The following MYO5C variants were observed in gnomAD, a reference collection of about 807,000 sequenced individuals.
MYO5C encodes unconventional myosin-Vc.
A neutral mutation model predicts 235.7 loss-of-function variants in MYO5C; 194 were observed. That is an observed-to-expected ratio of 0.82 (90% CI 0.73 to 0.93). The LOEUF (loss-of-function observed/expected upper bound fraction) is 0.93. MYO5C is among the 40% of genes least tolerant of loss of function. MYO5C has a pLI of 0.00. For synonymous variants in MYO5C, 707 were observed against 754.8 expected (o/e 0.94, Z 1.04); for missense variants, 2,038 against 2,127.2 (o/e 0.96, Z 0.82).
At chr15:52,241,003 G>C (rs1323099984) in intron 20 of MYO5C, among the ~76,000 whole-genome samples, 1 of 152,064 alleles carries the variant, frequency 6.6e-6, no homozygotes, top group Non-Finnish European at 1.5e-5. Flanking sequence ...TTGAAAGAAA[G>C]AAAATTATTT....
At chr15:52,276,359 G>C (rs2037050975) in intron 4 of MYO5C, among the ~76,000 whole-genome samples, 1 of 152,202 alleles carries the variant, frequency 6.6e-6, no homozygotes, top group South Asian at 2.1e-4. Flanking sequence ...TCCTCTCCCA[G>C]TCGGGTCACA....
intron 13 of MYO5C, among the ~76,000 whole-genome samples, chr15:52,250,225 CTTTTTT>C (rs202038053): frequency 5.0e-5 from 7 of 140,376 alleles, no homozygotes; most frequent in African/African-American, 1.8e-4. Flanking sequence ...AAAAACTTAT[CTTTTTT>C]TTTTCTTTTT....
chr15:52,237,727 C>T (rs1222956386), intron 21 of MYO5C, 81 bp from the exon 22 acceptor site: 7 of 1,396,036 alleles, frequency 5.0e-6, no homozygotes, highest in Non-Finnish European at 6.8e-6. Context: ...GCCTTTGACA[C>T]AGCATCCAAA....
intron 32 of MYO5C, among the ~76,000 whole-genome samples, chr15:52,215,644 C>T (rs1312463161): frequency 6.6e-6 from 1 of 152,162 alleles, no homozygotes; most frequent in African/African-American, 2.4e-5. Context: ...CAATTCAAGC[C>T]CATCTTATAA....
chr15:52,201,764 A>G (rs1173852395), intron 38 of MYO5C, among the ~76,000 whole-genome samples: 1 of 152,158 alleles, frequency 6.6e-6, no homozygotes. Context: ...ACTGCAACAT[A>G]AAGTAGGGAG....
intron 10 of MYO5C, chr15:52,256,927 G>T (rs1234136276): frequency 7.7e-6 from 4 of 516,150 alleles, no homozygotes; most frequent in Non-Finnish European, 1.0e-5. Context: ...AAGAAATCTG[G>T]TAGGTATAAA....
At chr15:52,214,488 C>G in intron 33 of MYO5C, 115 bp downstream of exon 33, 1 of 780,818 alleles carries the variant, frequency 1.3e-6, no homozygotes, top group Non-Finnish European at 2.0e-6. Flanking sequence ...ACAAACCTCA[C>G]CACTTGAGAA....
chr15:52,259,274 G>A (rs895886021), intron 10 of MYO5C, among the ~76,000 whole-genome samples: 3 of 151,974 alleles, frequency 2.0e-5, no homozygotes, highest in Admixed American at 6.6e-5. Context: ...AAAAAAATCA[G>A]CCGGGCGTAG....
intron 31 of MYO5C, 106 bp from the exon 32 acceptor site, chr15:52,218,793 G>T: frequency 2.6e-6 from 3 of 1,166,892 alleles, no homozygotes; most frequent in African/African-American, 1.5e-5. Flanking sequence ...GAACACCTTG[G>T]CCAATTTCTG....
Position 52,237,655 on chromosome 15 carries a change from A to T in MYO5C, c.2704-9T>A. ...CCATGGTTTTCTTTGTTCTAGAGAA[A>T]AGAAAATTCAGATGTTTAGAGGTTA... On this transcript the variant is annotated splice_polypyrimidine_tract_variant and intron_variant, in intron 21 of 40. Coordinates refer to ENST00000261839, the MANE Select transcript of MYO5C (RefSeq NM_018728.4). 6.2e-7 allele frequency: 1 copy of T among 1,602,900 alleles called. No homozygotes were observed. Among genetic ancestry groups the T allele is most frequent in the Non-Finnish European group, 8.5e-7 (1 of 1,177,576 alleles).
intron 4 of MYO5C, among the ~76,000 whole-genome samples, chr15:52,276,541 AG>A (rs1442890761): frequency 6.6e-6 from 1 of 152,194 alleles, no homozygotes; most frequent in East Asian, 1.9e-4. Context: ...TTACACAAAC[AG>A]CTTGAGTTTA....
chr15:52,282,669 C>T, intron 2 of MYO5C, 113 bp downstream of exon 2: 1 of 724,212 alleles, frequency 1.4e-6, no homozygotes, highest in Non-Finnish European at 2.5e-6. Context: ...CTGGTGCCCA[C>T]TCGTGCGCCC....
intron 9 of MYO5C, among the ~76,000 whole-genome samples, chr15:52,261,385 T>G (rs1010542250): frequency 2.0e-5 from 3 of 152,232 alleles, no homozygotes; most frequent in African/African-American, 7.2e-5. Context: ...CGTCCCACGC[T>G]GATTTTTCAT....
intron 1 of MYO5C, among the ~76,000 whole-genome samples, chr15:52,295,363 G>C (rs1308606923): frequency 6.6e-6 from 1 of 152,188 alleles, no homozygotes; most frequent in African/African-American, 2.4e-5. Flanking sequence ...AGGCGCAGCG[G>C]AGCCAGGAGG....
At chr15:52,295,240 C>T (rs923349770) in intron 1 of MYO5C, among the ~76,000 whole-genome samples, 1 of 152,120 alleles carries the variant, frequency 6.6e-6, no homozygotes, top group Non-Finnish European at 1.5e-5. Flanking sequence ...GCTCCAGTCC[C>T]GGGAGATGGG....
intron 5 of MYO5C, 112 bp from the exon 6 acceptor site, chr15:52,272,835 T>TG: frequency 9.4e-7 from 1 of 1,065,440 alleles, no homozygotes; most frequent in South Asian, 1.6e-5. Context: ...AAGGTCTGAT[T>TG]GGCAGAGGGA....
intron 12 of MYO5C, among the ~76,000 whole-genome samples, chr15:52,252,602 C>T (rs1221337400): frequency 3.3e-5 from 5 of 151,990 alleles, no homozygotes; most frequent in African/African-American, 7.2e-5. Context: ...GGTGAAACCC[C>T]GTCTCTACCA....
chr15:52,261,975 G>A (rs1596205864), intron 9 of MYO5C, among the ~76,000 whole-genome samples: 1 of 152,124 alleles, frequency 6.6e-6, no homozygotes, highest in Non-Finnish European at 1.5e-5. Context: ...CCCTCCCTGC[G>A]CTCTACCCAC....
intron 1 of MYO5C, among the ~76,000 whole-genome samples, chr15:52,295,391 G>A (rs891436513): frequency 1.4e-4 from 22 of 152,312 alleles, no homozygotes; most frequent in Non-Finnish European, 1.3e-4. Flanking sequence ...CCCGCGGGCA[G>A]GGACGGAGCA....
Sources: allele counts gnomAD v4.1 joint callset (sites outside exome capture counted in the v4.1 genomes callset), GRCh38; gene constraint gnomAD v4.1.1; transcripts MANE v1.5; gene names NCBI Gene and HGNC (gene_info 2026-07-23, HGNC 2026-07-21).